The following CDK5RAP2 variants were observed in gnomAD, a reference collection of about 807,000 sequenced individuals.
CDK5RAP2 encodes CDK5 regulatory subunit associated protein 2.
Under a neutral mutation model 232.9 loss-of-function variants are expected in CDK5RAP2, and 147 were observed. The ratio of observed to expected loss-of-function variants is 0.63; its 90% CI spans 0.55 to 0.72. CDK5RAP2 has a LOEUF of 0.72. Among genes scored for constraint, CDK5RAP2 ranks in the 30% least tolerant of loss-of-function variants. CDK5RAP2 has a pLI of 0.00. For missense variants in CDK5RAP2, 2,195 were observed against 2,231.5 expected (o/e 0.98, Z 0.33); for synonymous variants, 833 against 833.7 (o/e 1.00, Z 0.01).
intron 12 of CDK5RAP2, among the ~76,000 whole-genome samples, chr9:120,504,820 C>T (rs2039735023): frequency 6.6e-6 from 1 of 152,198 alleles, no homozygotes; most frequent in Admixed American, 6.5e-5. Flanking sequence ...CAGTCCCCTC[C>T]ACCTGGAAAA....
chr9:120,443,778 A>C (rs371525387), intron 22 of CDK5RAP2, 36 bp from the exon 23 acceptor site: 2 of 1,613,034 alleles, frequency 1.2e-6, no homozygotes, highest in South Asian at 2.2e-5. Context: ...AAAATAAATA[A>C]AACCGTAAGA....
chr9:120,518,308 A>T (rs1588545271), intron 12 of CDK5RAP2, 119 bp downstream of exon 12: 1 of 798,794 alleles, frequency 1.3e-6, no homozygotes, highest in East Asian at 2.6e-5. Flanking sequence ...CTAGGTACTG[A>T]GATAATAAGT....
chr9:120,575,039 T>C (rs1345138895), intron 1 of CDK5RAP2, among the ~76,000 whole-genome samples: 1 of 151,992 alleles, frequency 6.6e-6, no homozygotes, highest in Non-Finnish European at 1.5e-5. Context: ...GGCACAGCCA[T>C]CATAACGACT....
intron 4 of CDK5RAP2, among the ~76,000 whole-genome samples, chr9:120,547,783 G>C (rs1487505910): frequency 6.6e-6 from 1 of 152,148 alleles, no homozygotes; most frequent in East Asian, 1.9e-4. Context: ...TCCCTACCAG[G>C]AGGAGACCAC....
intron 21 of CDK5RAP2, among the ~76,000 whole-genome samples, chr9:120,450,382 C>T: frequency 6.6e-6 from 1 of 152,108 alleles, no homozygotes; most frequent in East Asian, 1.9e-4. Flanking sequence ...TGGGAAATGA[C>T]TGTTAATGAG....
chr9:120,429,236 A>G (rs1206624714), intron 25 of CDK5RAP2, among the ~76,000 whole-genome samples: 22 of 150,118 alleles, frequency 1.5e-4, no homozygotes, highest in Admixed American at 1.1e-3. Context: ...CCTATTCAAC[A>G]TAGTGTTGGA....
intron 2 of CDK5RAP2, 130 bp from the exon 3 acceptor site, chr9:120,568,518 CTTT>C: frequency 1.3e-6 from 1 of 769,402 alleles, no homozygotes; most frequent in Non-Finnish European, 2.4e-6. Flanking sequence ...TACTTGCTGT[CTTT>C]TGTGATTTAC....
rs150287603 is a variant in CDK5RAP2, at chr9:120,500,853, C to T, written c.1312-9376G>A. ...GCCTTCCTGATTGTGTTTTGCTGGC[C>T]GGTGACTGCTCAGAAACAGTCAATA... On this transcript the variant is annotated intron_variant, in intron 12 of 37. Transcript: ENST00000349780. 4.1e-3 allele frequency among the ~76,000 whole-genome samples: 620 copies of T among 152,236 alleles called. 3 individuals are homozygous for T. The highest frequency in any genetic ancestry group is 0.014 in the African/African-American group (578 of 41,534).
intron 18 of CDK5RAP2, among the ~76,000 whole-genome samples, chr9:120,467,635 A>G (rs2037456034): frequency 6.6e-6 from 1 of 152,180 alleles, no homozygotes; most frequent in Non-Finnish European, 1.5e-5. Flanking sequence ...ATACATATAT[A>G]TGAATATATG....
At chr9:120,421,339 G>A (rs2034555578) in intron 26 of CDK5RAP2, among the ~76,000 whole-genome samples, 1 of 152,204 alleles carries the variant, frequency 6.6e-6, no homozygotes, top group South Asian at 2.1e-4. Flanking sequence ...CCAGTGGGAT[G>A]TGATCTATTA....
chr9:120,408,490 G>A (rs1564179478), intron 30 of CDK5RAP2, 22 bp from the exon 31 acceptor site: 2 of 1,613,890 alleles, frequency 1.2e-6, no homozygotes, highest in South Asian at 1.1e-5. Context: ...CCACAGGCAT[G>A]AGAAGGACAG....
intron 17 of CDK5RAP2, 151 bp downstream of exon 17, chr9:120,469,960 C>T (rs781019609): frequency 2.4e-5 from 14 of 574,322 alleles, no homozygotes; most frequent in South Asian, 4.1e-5. Flanking sequence ...CTCCAGTTAA[C>T]GGACACAGGA....
chr9:120,410,854 T>C (rs2033803697), intron 29 of CDK5RAP2, among the ~76,000 whole-genome samples: 1 of 152,200 alleles, frequency 6.6e-6, no homozygotes, highest in Non-Finnish European at 1.5e-5. Context: ...CTGTTTTCAG[T>C]AGTGAAAGAT....
At chr9:120,514,059 A>C (rs1427071512) in intron 12 of CDK5RAP2, among the ~76,000 whole-genome samples, 1 of 152,252 alleles carries the variant, frequency 6.6e-6, no homozygotes. Context: ...TGAGATGGAC[A>C]CATCAAATTC....
At chr9:120,500,945 G>A (rs1305181183) in intron 12 of CDK5RAP2, among the ~76,000 whole-genome samples, 1 of 152,132 alleles carries the variant, frequency 6.6e-6, no homozygotes, top group Non-Finnish European at 1.5e-5. Context: ...GGGGGCCTGG[G>A]AACTCCCATA....
chr9:120,550,230 C>A (rs1204642331), intron 4 of CDK5RAP2, among the ~76,000 whole-genome samples: 3 of 152,190 alleles, frequency 2.0e-5, no homozygotes, highest in East Asian at 1.9e-4. Context: ...GGCAAGCACA[C>A]AGGAATACCG....
chr9:120,518,208 TGTGAGAGAGAGAGAGAGA>T (rs2040440565), intron 12 of CDK5RAP2, among the ~76,000 whole-genome samples: 1 of 111,398 alleles, frequency 9.0e-6, no homozygotes, highest in African/African-American at 4.2e-5. Context: ...TGTGTGTGTG[TGTGAGAGAGAGAGAGAGA>T]GAGAGAGAGA....
At chr9:120,427,944 T>G (rs979241124) in intron 25 of CDK5RAP2, among the ~76,000 whole-genome samples, 21 of 152,120 alleles carry the variant, frequency 1.4e-4, no homozygotes, top group African/African-American at 4.8e-4. Flanking sequence ...AACTCAGGAT[T>G]AAGAAACTCA....
At position 120,561,315 on chromosome 9, in the gene CDK5RAP2, T is replaced by A. The variant is rs79928541; in HGVS notation, c.195+7006A>T. 4.6e-5 allele frequency among the ~76,000 whole-genome samples: 7 copies of A among 152,050 alleles called. No homozygotes were observed. The Middle Eastern group carries it at 0.014, about 298-fold the overall frequency. ...TGGAGAAATAACAGAATTTTTTTTT[T>A]AAACAGGGTCTCTCTCTGTCGCTCA... is the stretch of plus-strand genomic sequence containing the variant. On this transcript the variant is annotated intron_variant, in intron 3 of 37. Coordinates refer to ENST00000349780, the MANE Select transcript of CDK5RAP2 (RefSeq NM_018249.6).
Sources: allele counts gnomAD v4.1 joint callset (sites outside exome capture counted in the v4.1 genomes callset), GRCh38; gene constraint gnomAD v4.1.1; transcripts MANE v1.5; gene names NCBI Gene and HGNC (gene_info 2026-07-23, HGNC 2026-07-21).